PAPPA: variants seen among roughly 807,000 people sequenced by gnomAD.
PAPPA encodes the protein pappalysin 1, also known as pappalysin-1.
In PAPPA, 60 loss-of-function variants were observed where a neutral mutation model predicts 164.0. That is an observed-to-expected ratio of 0.37 (90% confidence interval 0.30 to 0.45). PAPPA has a LOEUF of 0.45. Ranked by LOEUF, PAPPA falls within the 20% of genes least tolerant of loss-of-function variation. The pLI, the probability that PAPPA is intolerant of heterozygous loss-of-function variation, is 1.00. For missense variants in PAPPA, 1,782 were observed against 2,087.3 expected (o/e 0.85, Z 2.85); for synonymous variants, 875 against 814.1 (o/e 1.07, Z -1.27).
intron 1 of PAPPA, among the ~76,000 whole-genome samples, chr9:116,156,334 G>GTA (rs374567663): frequency 0.015 from 2,095 of 139,526 alleles, 57 homozygotes; most frequent in East Asian, 0.12. Flanking sequence ...ATATATATGT[G>GTA]TATATATATA....
At position 116,302,944 on chromosome 9, in the gene PAPPA, A is replaced by G; in HGVS notation, c.3141A>G (p.Ala1047=). The G allele has an allele frequency of 2.5e-6, 4 of 1,613,368 alleles. No homozygotes were observed. The highest frequency in any genetic ancestry group is 3.4e-6 in the Non-Finnish European group (4 of 1,179,832). The change falls in exon 10 of 22, where the codon GCA becomes GCG. Residue 1047 remains alanine, a synonymous_variant. Coordinates refer to ENST00000328252, the MANE Select transcript of PAPPA (RefSeq NM_002581.5). The part of the protein sequence containing the change: ...PGWVIIGQPA[A]SQVCRTKVID... The stretch of plus-strand genomic sequence containing the variant: ...GGGTCATCATCGGACAGCCAGCAGC[A>G]TCCCAGGTAAGATCCTAACCATGTG...
intron 7 of PAPPA, among the ~76,000 whole-genome samples, chr9:116,262,588 A>C (rs1845016077): frequency 6.6e-6 from 1 of 152,342 alleles, no homozygotes; most frequent in Middle Eastern, 3.4e-3. Flanking sequence ...ATATGCTTGA[A>C]GCAGGACATT....
intron 1 of PAPPA, among the ~76,000 whole-genome samples, chr9:116,161,315 C>T (rs988934785): frequency 2.0e-5 from 3 of 152,194 alleles, no homozygotes; most frequent in Non-Finnish European, 4.4e-5. Context: ...CCGCTTCTCT[C>T]TGGACCTCAG....
At chr9:116,330,809 C>T (rs1326400067) in intron 10 of PAPPA, among the ~76,000 whole-genome samples, 5 of 152,174 alleles carry the variant, frequency 3.3e-5, no homozygotes, top group Admixed American at 3.3e-4. Flanking sequence ...CACTTTTCTG[C>T]CACTGTCCCT....
rs1453292511 is a variant in PAPPA at position 116,398,618 on chromosome 9, T to G, written c.*2002T>G. ...CTCTGGCCAATTACACTAAGAAACA[T>G]ATCAAGGTGCTTTTGGCACAGGTGC... On this transcript the variant is annotated 3_prime_UTR_variant, in exon 22 of 22. Coordinates refer to ENST00000328252, the MANE Select transcript of PAPPA (RefSeq NM_002581.5). 1 of 1,063,136 alleles carries G rather than the reference T, an allele frequency of 9.4e-7. No homozygotes were observed. Among genetic ancestry groups the G allele is most frequent in the African/African-American group, 1.6e-5 (1 of 61,630 alleles). The allele number at this position is 1,063,136 out of a possible 1,614,324, so 65.9% of individuals were successfully genotyped here. A position where few individuals can be genotyped will look rare whatever the true frequency, so the allele number is the denominator to read the frequency against.
chr9:116,369,269 C>G (rs1312620017), intron 19 of PAPPA, among the ~76,000 whole-genome samples: 3 of 152,134 alleles, frequency 2.0e-5, no homozygotes. Flanking sequence ...TGCACAGATT[C>G]CCCCGAGTGC....
chr9:116,184,098 T>C (rs1421003593), intron 1 of PAPPA, among the ~76,000 whole-genome samples: 2 of 152,206 alleles, frequency 1.3e-5, no homozygotes, highest in Admixed American at 6.5e-5. Context: ...CCATTCATTT[T>C]CTTTTCATGA....
At chr9:116,289,728 A>G (rs917202425) in intron 9 of PAPPA, among the ~76,000 whole-genome samples, 9 of 152,146 alleles carry the variant, frequency 5.9e-5, no homozygotes, top group African/African-American at 1.7e-4. Flanking sequence ...ATTATCTTCT[A>G]TGTACTAGTA....
At chr9:116,317,591 A>G (rs994614776) in intron 10 of PAPPA, among the ~76,000 whole-genome samples, 3 of 152,208 alleles carry the variant, frequency 2.0e-5, no homozygotes, top group African/African-American at 7.2e-5. Context: ...GTTTGGGGCT[A>G]TAGAGCAGAA....
At chr9:116,180,767 C>T (rs905421009) in intron 1 of PAPPA, among the ~76,000 whole-genome samples, 3 of 152,124 alleles carry the variant, frequency 2.0e-5, no homozygotes, top group African/African-American at 7.2e-5. Flanking sequence ...AGGAAAACAT[C>T]CTAGGCAAGA....
intron 1 of PAPPA, among the ~76,000 whole-genome samples, chr9:116,157,199 C>T (rs549960951): frequency 6.6e-6 from 1 of 152,276 alleles, no homozygotes; most frequent in South Asian, 2.1e-4. Flanking sequence ...CAGAGGCAGG[C>T]CTTGCCGCTC....
chr9:116,162,764 G>C lies in PAPPA; in HGVS notation c.415+8177G>C, dbSNP rs568782743. 8.2e-4 allele frequency among the ~76,000 whole-genome samples: 125 copies of C among 152,200 alleles called. 2 individuals are homozygous for C. The highest frequency in any genetic ancestry group is 3.5e-4 in the Non-Finnish European group (24 of 68,018). On this transcript the variant is annotated intron_variant, in intron 1 of 21. Coordinates refer to ENST00000328252, the MANE Select transcript of PAPPA (RefSeq NM_002581.5). ...TATTATGTGTGCCAGCCATTGCCAC[G>C]CATTATTTCTAATAATCTCAATAAC...
intron 13 of PAPPA, 76 bp downstream of exon 13, chr9:116,335,150 C>A: frequency 3.3e-6 from 4 of 1,222,020 alleles, no homozygotes; most frequent in Non-Finnish European, 4.8e-6. Context: ...AGCTGGGTAG[C>A]CATTTGTGTG....
chr9:116,331,152 A>G (rs1845985794), intron 10 of PAPPA, 92 bp from the exon 11 acceptor site: 6 of 783,594 alleles, frequency 7.7e-6, no homozygotes, highest in Non-Finnish European at 1.3e-5. Context: ...CCAAGAGCAA[A>G]ATAGGTGAAC....
chr9:116,292,060 A>G (rs1845442798), intron 9 of PAPPA, among the ~76,000 whole-genome samples: 1 of 152,190 alleles, frequency 6.6e-6, no homozygotes, highest in African/African-American at 2.4e-5. Context: ...ATGCTTACTT[A>G]AGGAATAGAT....
intron 6 of PAPPA, among the ~76,000 whole-genome samples, chr9:116,231,973 C>T (rs780102235): frequency 2.0e-5 from 3 of 151,916 alleles, no homozygotes; most frequent in South Asian, 2.1e-4. Context: ...AGGCTGGTCT[C>T]GAACTCCTGA....
intron 4 of PAPPA, among the ~76,000 whole-genome samples, chr9:116,219,436 A>G (rs1372628494): frequency 6.6e-6 from 1 of 152,250 alleles, no homozygotes; most frequent in African/African-American, 2.4e-5. Context: ...TAGTGAAATT[A>G]ATGAATGAGT....
At chr9:116,374,212 G>C (rs1846619519) in intron 19 of PAPPA, among the ~76,000 whole-genome samples, 1 of 46,270 alleles carries the variant, frequency 2.2e-5, no homozygotes, top group African/African-American at 3.6e-5. Context: ...GGTGCCAATG[G>C]TGCTGATGAT....
At chr9:116,328,277 G>A (rs1432433590) in intron 10 of PAPPA, among the ~76,000 whole-genome samples, 3 of 152,188 alleles carry the variant, frequency 2.0e-5, no homozygotes, top group Admixed American at 6.5e-5. Flanking sequence ...TTTATGCAAA[G>A]TCTTGCGCTG....
Sources: gnomAD v4.1 joint callset for allele counts (sites outside exome capture counted in the v4.1 genomes callset) on GRCh38, gnomAD v4.1.1 for gene constraint, MANE v1.5 for transcripts, NCBI Gene and HGNC (gene_info 2026-07-23, HGNC 2026-07-21) for gene names.